PIK3C2G: variants seen among roughly 807,000 people sequenced by gnomAD.
The protein encoded by PIK3C2G is phosphatidylinositol-4-phosphate 3-kinase catalytic subunit type 2 gamma.
In PIK3C2G, 168 loss-of-function variants were observed where a neutral mutation model predicts 181.1. The observed-to-expected ratio is 0.93, with a 90% confidence interval of 0.82 to 1.05. The LOEUF (loss-of-function observed/expected upper bound fraction) is 1.05, where lower values mean the gene tolerates loss of function less well. PIK3C2G is among the 50% of genes least tolerant of loss of function. PIK3C2G has a pLI of 0.00. For missense variants in PIK3C2G, 1,869 were observed against 1,732.8 expected (o/e 1.08, Z -1.40); for synonymous variants, 573 against 592.2 (o/e 0.97, Z 0.47).
At chr12:18,701,356 T>C in the PIK3C2G span, 41 of 1,421,192 alleles carry the variant, frequency 2.9e-5, no homozygotes, top group Non-Finnish European at 3.6e-5. Context: ...CCACCATCGA[T>C]GTTTTCAAAG....
chr12:18,537,539 T>C (rs1943924578), intron 24 of PIK3C2G, among the ~76,000 whole-genome samples: 1 of 152,092 alleles, frequency 6.6e-6, no homozygotes, highest in African/African-American at 2.4e-5. Flanking sequence ...TTTTCCATCC[T>C]TAGACTACAG....
intron 19 of PIK3C2G, 96 bp downstream of exon 19, chr12:18,488,725 C>A: frequency 1.4e-6 from 1 of 710,592 alleles, no homozygotes. Context: ...TCCTTGATTA[C>A]ACTTAAATAG....
At chr12:18,606,424 T>C (rs1948024287) in intron 30 of PIK3C2G, among the ~76,000 whole-genome samples, 1 of 152,144 alleles carries the variant, frequency 6.6e-6, no homozygotes, top group African/African-American at 2.4e-5. Flanking sequence ...TTTACTTCAG[T>C]CTTACTAAGA....
chr12:18,650,331 C>CTATA (rs371220581), downstream of PIK3C2G, among the ~76,000 whole-genome samples: 762 of 91,862 alleles, frequency 8.3e-3, 10 homozygotes, highest in Middle Eastern at 0.015. Context: ...CTCTCTCTCT[C>CTATA]TATATATATA....
the PIK3C2G span, among the ~76,000 whole-genome samples, chr12:18,689,711 A>G: frequency 1.3e-5 from 2 of 152,172 alleles, no homozygotes; most frequent in Non-Finnish European, 2.9e-5. Flanking sequence ...GGATTTAGAA[A>G]GCAGTCCTGT....
intron 31 of PIK3C2G, among the ~76,000 whole-genome samples, chr12:18,625,476 A>G (rs1459498346): frequency 6.6e-6 from 1 of 151,784 alleles, no homozygotes; most frequent in Non-Finnish European, 1.5e-5. Flanking sequence ...GTGTGTGCTT[A>G]AGAGAAAACT....
At chr12:18,580,672 T>C (rs970648929) in intron 29 of PIK3C2G, among the ~76,000 whole-genome samples, 18 of 152,232 alleles carry the variant, frequency 1.2e-4, no homozygotes, top group African/African-American at 4.3e-4. Flanking sequence ...TTCTTCATAG[T>C]GTCATTCTTC....
the PIK3C2G span, among the ~76,000 whole-genome samples, chr12:18,682,865 A>G: frequency 2.0e-5 from 3 of 152,178 alleles, no homozygotes; most frequent in Non-Finnish European, 2.9e-5. Flanking sequence ...CTAGAAGTTA[A>G]AACACTCTTA....
downstream of PIK3C2G, among the ~76,000 whole-genome samples, chr12:18,650,724 A>G (rs867904175): frequency 0.011 from 217 of 19,210 alleles, 9 homozygotes; most frequent in African/African-American, 0.094. Context: ...ATATATATAT[A>G]TATATATATA....
At chr12:18,389,959 G>A (rs952433539) in intron 14 of PIK3C2G, among the ~76,000 whole-genome samples, 1 of 152,068 alleles carries the variant, frequency 6.6e-6, no homozygotes, top group Admixed American at 6.5e-5. Flanking sequence ...TCCATATAAA[G>A]AGTAGCATGT....
intron 11 of PIK3C2G, among the ~76,000 whole-genome samples, chr12:18,351,122 T>A (rs1322101388): frequency 6.6e-6 from 1 of 152,084 alleles, no homozygotes; most frequent in African/African-American, 2.4e-5. Flanking sequence ...CTTTCTGAGA[T>A]GCAACTTAGA....
At chr12:18,526,062 T>C (rs1346536886) in intron 24 of PIK3C2G, among the ~76,000 whole-genome samples, 1 of 152,216 alleles carries the variant, frequency 6.6e-6, no homozygotes, top group Non-Finnish European at 1.5e-5. Flanking sequence ...CCACTGATTT[T>C]TTTAAAAGTT....
chr12:18,365,536 T>C (rs985991864), intron 12 of PIK3C2G, among the ~76,000 whole-genome samples: 1 of 152,194 alleles, frequency 6.6e-6, no homozygotes. Flanking sequence ...TTTGGCACTG[T>C]TGATCTCACC....
chr12:18,466,333 G>T (rs796332191), intron 18 of PIK3C2G, among the ~76,000 whole-genome samples: 15 of 151,474 alleles, frequency 9.9e-5, no homozygotes, highest in African/African-American at 3.6e-4. Context: ...TTATTTTGTT[G>T]CTACTGACTC....
At chr12:18,482,270 CT>C (rs1183886489) in intron 18 of PIK3C2G, among the ~76,000 whole-genome samples, 1 of 150,770 alleles carries the variant, frequency 6.6e-6, no homozygotes, top group Non-Finnish European at 1.5e-5. Context: ...TTGGCTGTAA[CT>C]TTTCTTAGCT....
chr12:18,620,888 A>T (rs1393009380), intron 31 of PIK3C2G, among the ~76,000 whole-genome samples: 2 of 152,078 alleles, frequency 1.3e-5, no homozygotes, highest in African/African-American at 4.8e-5. Context: ...GCATACCTAT[A>T]TATTTCTTTA....
At chr12:18,578,977 G>T (rs1184108015) in intron 29 of PIK3C2G, among the ~76,000 whole-genome samples, 2 of 151,818 alleles carry the variant, frequency 1.3e-5, no homozygotes, top group South Asian at 2.1e-4. Flanking sequence ...TGACAACATA[G>T]GAAAAGTAAA....
At chr12:18,502,562 T>C (rs999661312) in intron 22 of PIK3C2G, among the ~76,000 whole-genome samples, 4 of 152,228 alleles carry the variant, frequency 2.6e-5, no homozygotes, top group Non-Finnish European at 5.9e-5. Flanking sequence ...TCTAAATTGC[T>C]GTTCTGTACA....
chr12:18,721,597 G>A, the PIK3C2G span, among the ~76,000 whole-genome samples: 3 of 151,734 alleles, frequency 2.0e-5, no homozygotes, highest in Non-Finnish European at 2.9e-5. Flanking sequence ...ATATTCTCTA[G>A]ATCAGTGCTA....
Sources: allele counts gnomAD v4.1 joint callset (sites outside exome capture counted in the v4.1 genomes callset), GRCh38; gene constraint gnomAD v4.1.1; transcripts MANE v1.5; gene names NCBI Gene and HGNC (gene_info 2026-07-23, HGNC 2026-07-21).